Variants in KLHL13 observed in about 807,000 individuals in gnomAD.
The protein encoded by KLHL13 is kelch like family member 13.
Under a neutral mutation model 37.1 loss-of-function variants are expected in KLHL13, and 10 were observed. The observed-to-expected ratio is 0.27, with a 90% CI of 0.17 to 0.46. KLHL13 has a LOEUF of 0.46. Ranked by LOEUF, KLHL13 falls within the 20% of genes least tolerant of loss-of-function variation. KLHL13 has a pLI of 1.00. For missense variants in KLHL13, 360 were observed against 509.3 expected (o/e 0.71, Z 2.82); for synonymous variants, 163 against 181.2 (o/e 0.90, Z 0.81).
At chrX:118,032,400 G>A (rs757556223) in intron 1 of KLHL13, among the ~76,000 whole-genome samples, 39 of 111,782 alleles carry the variant, frequency 3.5e-4, no homozygotes, top group African/African-American at 1.2e-3. Context: ...ATCTGAGAAC[G>A]GGCAGACTGC....
chrX:117,911,838 A>G (rs1931011224), intron 4 of KLHL13, among the ~76,000 whole-genome samples: 1 of 112,205 alleles, frequency 8.9e-6, no homozygotes, highest in African/African-American at 3.2e-5. Context: ...TCTTTTAAGT[A>G]GCTGATTTGC....
intron 1 of KLHL13, among the ~76,000 whole-genome samples, chrX:117,954,932 A>G (rs1343904927): frequency 8.9e-6 from 1 of 111,860 alleles, no homozygotes; most frequent in Non-Finnish European, 1.9e-5. Flanking sequence ...GCTCAGGCCA[A>G]TTTTCTAGGA....
intron 1 of KLHL13, among the ~76,000 whole-genome samples, chrX:117,984,103 A>T (rs1339819526): frequency 9.0e-6 from 1 of 111,701 alleles, no homozygotes; most frequent in Non-Finnish European, 1.9e-5. Context: ...ACATAAATAG[A>T]TATACTGTCT....
intron 1 of KLHL13, among the ~76,000 whole-genome samples, chrX:118,083,173 T>C (rs2055015843): frequency 8.9e-6 from 1 of 111,869 alleles, no homozygotes; most frequent in Non-Finnish European, 1.9e-5. Flanking sequence ...GTAGCCAATA[T>C]AGACAACTGT....
chrX:118,035,827 T>C (rs1242781514), intron 1 of KLHL13, among the ~76,000 whole-genome samples: 6 of 104,205 alleles, frequency 5.8e-5, no homozygotes, highest in Admixed American at 1.0e-4. Context: ...ACGACATGAT[T>C]GTATATCTAG....
At chrX:117,902,341 T>C (rs1930151028) in intron 5 of KLHL13, among the ~76,000 whole-genome samples, 1 of 111,993 alleles carries the variant, frequency 8.9e-6, no homozygotes, top group African/African-American at 3.2e-5. Flanking sequence ...CCCATGTTGA[T>C]AGAAACAAAC....
intron 1 of KLHL13, among the ~76,000 whole-genome samples, chrX:118,057,989 T>C (rs971307041): frequency 6.3e-5 from 7 of 111,535 alleles, no homozygotes; most frequent in Non-Finnish European, 1.3e-4. Context: ...ACCAAAATGA[T>C]GAATACAAAG....
intron 1 of KLHL13, among the ~76,000 whole-genome samples, chrX:118,115,173 T>C (rs2055454141): frequency 8.9e-6 from 1 of 112,749 alleles, no homozygotes; most frequent in Non-Finnish European, 1.9e-5. Flanking sequence ...TGCTGAATTA[T>C]TTCATTTTTC....
intron 1 of KLHL13, chrX:117,985,407 C>A: frequency 1.1e-6 from 1 of 915,648 alleles, no homozygotes. Context: ...TACAACACTT[C>A]AGTTGTAGCT....
intron 1 of KLHL13, chrX:117,945,784 A>G: frequency 1.3e-5 from 4 of 316,686 alleles, no homozygotes; most frequent in Non-Finnish European, 2.2e-5. Context: ...GAATATACAG[A>G]TGATAACTGA....
intron 1 of KLHL13, among the ~76,000 whole-genome samples, chrX:118,024,495 G>A (rs1179835477): frequency 9.0e-6 from 1 of 111,643 alleles, no homozygotes; most frequent in East Asian, 2.8e-4. Flanking sequence ...AATATTCACA[G>A]TACAAATACC....
At chrX:117,899,588 TAAAGA>T (rs1929959185) in intron 6 of KLHL13, among the ~76,000 whole-genome samples, 193 bp from the exon 8 acceptor site, 1 of 112,355 alleles carries the variant, frequency 8.9e-6, no homozygotes, top group Admixed American at 9.4e-5. Flanking sequence ...TTCATCTTCT[TAAAGA>T]ACAAAACAAT....
intron 1 of KLHL13, among the ~76,000 whole-genome samples, chrX:118,030,949 C>G (rs1041485606): frequency 9.8e-5 from 11 of 111,886 alleles, no homozygotes; most frequent in Non-Finnish European, 2.1e-4. Context: ...TTCAACCAAC[C>G]CTCCTACTGT....
At chrX:118,021,806 T>A (rs193235536) in intron 1 of KLHL13, among the ~76,000 whole-genome samples, 99 of 111,762 alleles carry the variant, frequency 8.9e-4, no homozygotes, top group African/African-American at 3.1e-3. Context: ...CCTTGAGGAA[T>A]CGCCACACTG....
chrX:117,988,265 T>G (rs2053750598), intron 1 of KLHL13, among the ~76,000 whole-genome samples: 1 of 112,235 alleles, frequency 8.9e-6, no homozygotes, highest in Non-Finnish European at 1.9e-5. Flanking sequence ...ACAAGTGTCA[T>G]ATAATAGTGA....
chrX:118,023,121 C>T lies in KLHL13; in HGVS notation c.-55-77546G>A, dbSNP rs577027016. 3.8e-5 allele frequency among the ~76,000 whole-genome samples: 4 copies of T among 106,410 alleles called. No homozygotes were observed. In the South Asian group the frequency reaches 1.5e-3, roughly 40 times the overall value. The allele number at this position is 106,410 out of a possible 115,157, so 92.4% of individuals were successfully genotyped here. ...AAGTGGATATACAGTTTTCCCAGCA[C>T]TATTTATCTTCTAGGAATTGGTTAA... On this transcript the variant is annotated intron_variant, in intron 1 of 6. Coordinates refer to the KLHL13 transcript ENST00000371882.
chrX:117,979,160 G>T (rs1303368414), intron 1 of KLHL13, among the ~76,000 whole-genome samples: 1 of 111,489 alleles, frequency 9.0e-6, no homozygotes, highest in Non-Finnish European at 1.9e-5. Flanking sequence ...TTGAACTCCT[G>T]GCCTCAGGTG....
In KLHL13 at chrX:117,945,666, C is replaced by A. The variant is rs768144567; in HGVS notation, c.99-91G>T. 3.7e-5 allele frequency: 27 copies of A among 736,125 alleles called. No homozygotes were observed. In the Admixed American group the frequency reaches 7.4e-4, roughly 20 times the overall value. 60.7% of individuals were successfully genotyped at this position (736,125 alleles called of 1,213,427 possible). ...TTAGAAAAATAATCAGTCACTATTG[C>A]AATCATATGACCATGCAATATGGTG... On this transcript the variant is annotated intron_variant, in intron 1 of 6. Transcript: ENST00000262820.
intron 1 of KLHL13, among the ~76,000 whole-genome samples, chrX:118,079,954 C>T (rs2428310): frequency 0.25 from 27,061 of 110,236 alleles, 5,463 homozygotes; most frequent in African/African-American, 0.69. Flanking sequence ...TGGAACAGAA[C>T]AGAAAACTCA....
Sources: allele counts gnomAD v4.1 joint callset (sites outside exome capture counted in the v4.1 genomes callset), GRCh38; gene constraint gnomAD v4.1.1; transcripts MANE v1.5; gene names NCBI Gene and HGNC (gene_info 2026-07-23, HGNC 2026-07-21).